GOLGA7B: variants seen among roughly 807,000 people sequenced by gnomAD.
GOLGA7B encodes the protein golgin subfamily A member 7B.
A neutral mutation model predicts 21.5 loss-of-function variants in GOLGA7B; 17 were observed. The observed-to-expected ratio is 0.79, with a 90% CI of 0.54 to 1.19. GOLGA7B has a LOEUF of 1.19. Ranked by LOEUF, GOLGA7B falls within the 50% of genes most tolerant of loss-of-function variation. The pLI is 0.00. For missense variants in GOLGA7B, 169 were observed against 224.4 expected (o/e 0.75, Z 1.58); for synonymous variants, 87 against 84.0 (o/e 1.04, Z -0.19).
intron 1 of GOLGA7B, among the ~76,000 whole-genome samples, chr10:97,858,027 C>T (rs2049947150): frequency 6.6e-6 from 1 of 152,206 alleles, no homozygotes; most frequent in African/African-American, 2.4e-5. Context: ...TGCAAACCAC[C>T]TCCATTCTTG....
intron 1 of GOLGA7B, among the ~76,000 whole-genome samples, chr10:97,851,058 C>T (rs1590157438): frequency 1.3e-5 from 2 of 152,104 alleles, no homozygotes; most frequent in Admixed American, 1.3e-4. Context: ...AGGGATTGCC[C>T]TTTCCCCCCT....
intron 2 of GOLGA7B, among the ~76,000 whole-genome samples, chr10:97,862,150 G>C (rs2049975447): frequency 6.6e-6 from 1 of 152,240 alleles, no homozygotes; most frequent in African/African-American, 2.4e-5. Context: ...ACTGGAGTCA[G>C]AGCTGTAACC....
chr10:97,863,603 C>T (rs1405736024), intron 2 of GOLGA7B, among the ~76,000 whole-genome samples: 1 of 152,250 alleles, frequency 6.6e-6, no homozygotes, highest in Non-Finnish European at 1.5e-5. Context: ...TCTAGGATAT[C>T]ATGGGAATTT....
chr10:97,854,247 G>C (rs1470750254), intron 1 of GOLGA7B, among the ~76,000 whole-genome samples: 1 of 152,204 alleles, frequency 6.6e-6, no homozygotes, highest in Non-Finnish European at 1.5e-5. Context: ...AAAGGGGCTT[G>C]AGCAATGATG....
intron 1 of GOLGA7B, among the ~76,000 whole-genome samples, chr10:97,853,838 G>A (rs1371624980): frequency 6.6e-6 from 1 of 152,204 alleles, no homozygotes; most frequent in African/African-American, 2.4e-5. Context: ...TTAGTAGCTG[G>A]CCAGTGGCCT....
intron 2 of GOLGA7B, among the ~76,000 whole-genome samples, chr10:97,862,718 G>A (rs1473242685): frequency 6.6e-6 from 1 of 151,950 alleles, no homozygotes; most frequent in Non-Finnish European, 1.5e-5. Flanking sequence ...GTTGTTCCAG[G>A]GTCAACTGTA....
Position 97,850,288 on chromosome 10 carries a change from C to G in GOLGA7B, c.-16C>G. 1 of 1,498,664 alleles carries G rather than the reference C, an allele frequency of 6.7e-7. No homozygotes were observed. The highest frequency in any genetic ancestry group is 1.3e-5 in the South Asian group (1 of 79,338). The allele number at this position is 1,498,664 out of a possible 1,614,324, so 92.8% of individuals were successfully genotyped here. A position where few individuals can be genotyped will look rare whatever the true frequency, so the allele number is the denominator to read the frequency against. ...CCTCGCCCGGCCCCGCGACAGCCTC[C>G]GAGCGCCCCCGGATCATGGCCACCG... is the stretch of plus-strand genomic sequence containing the variant. On this transcript the variant is annotated 5_prime_UTR_variant, in exon 1 of 5. Coordinates refer to ENST00000370602, the MANE Select transcript of GOLGA7B (RefSeq NM_001010917.3).
At chr10:97,859,354 C>A in intron 1 of GOLGA7B, 104 bp from the exon 2 acceptor site, 1 of 1,181,258 alleles carries the variant, frequency 8.5e-7, no homozygotes, top group Non-Finnish European at 1.2e-6. Flanking sequence ...GGGAACTTTC[C>A]TGGTGTTAGT....
chr10:97,850,664 GA>G (rs1457688927), intron 1 of GOLGA7B, among the ~76,000 whole-genome samples: 1 of 152,158 alleles, frequency 6.6e-6, no homozygotes, highest in Non-Finnish European at 1.5e-5. Context: ...TGTGTGAGGG[GA>G]GGGAAGGCGG....
chr10:97,854,547 A>T (rs948312872), intron 1 of GOLGA7B, among the ~76,000 whole-genome samples: 32 of 152,290 alleles, frequency 2.1e-4, no homozygotes, highest in African/African-American at 7.5e-4. Context: ...GTCTGATATC[A>T]TCCTTTAGCA....
rs2049893924 is a variant in GOLGA7B at position 97,849,970 on chromosome 10, C to G, written c.-334C>G. On this transcript the variant is annotated 5_prime_UTR_variant, in exon 1 of 5. Coordinates refer to ENST00000370602, the MANE Select transcript of GOLGA7B (RefSeq NM_001010917.3). The stretch of plus-strand genomic sequence containing the variant: ...CCTCCTCCCCCGGCCGCCCCCATCC[C>G]CGCCGCCGCCGCCGCCAAAGCTAAA... Among the ~76,000 whole-genome samples the G allele has an allele frequency of 6.7e-6, 1 of 149,648 alleles. No homozygotes were observed. The highest frequency in any genetic ancestry group is 6.6e-5 in the Admixed American group (1 of 15,128).
chr10:97,860,629 A>C (rs189794742), intron 2 of GOLGA7B, among the ~76,000 whole-genome samples: 1,546 of 152,362 alleles, frequency 0.01, 11 homozygotes, highest in Non-Finnish European at 0.017. Context: ...CTGGGATTAC[A>C]GGTGTGAGCC....
chr10:97,865,814 T>TGG lies in GOLGA7B; in HGVS notation c.*115_*116insGG. 2.4e-6 allele frequency: 1 copy of TGG among 413,020 alleles called. No homozygotes were observed. The highest frequency in any genetic ancestry group is 4.4e-6 in the Non-Finnish European group (1 of 227,374). The allele number at this position is 413,020 out of a possible 1,614,324, so 25.6% of individuals were successfully genotyped here. ...GAGTCATTCTTTGGGCTCACCCTGC[T>TGG]GCCCGGGGTGGGAGGGAGGGTGACG... is the stretch of plus-strand genomic sequence containing the variant. On this transcript the variant is annotated 3_prime_UTR_variant, in exon 5 of 5. Transcript: ENST00000370602.
intron 1 of GOLGA7B, among the ~76,000 whole-genome samples, chr10:97,857,771 G>C (rs954183860): frequency 6.6e-5 from 10 of 152,162 alleles, no homozygotes; most frequent in Non-Finnish European, 1.5e-4. Context: ...AACCAAAACA[G>C]CAGGTTTTGT....
In GOLGA7B at chr10:97,870,022, G is replaced by A. The variant is rs1259411948; in HGVS notation, c.*4322G>A. ...ACACATGAAGACTCTTGGAGCCTCA[G>A]ATTCCCCAGTTGTTAAATAGGGAGA... On this transcript the variant is annotated 3_prime_UTR_variant, in exon 5 of 5. Transcript: ENST00000370602. The A allele has an allele frequency of 1.3e-5, 2 of 152,234 alleles. No individual in the cohort carries two copies. The highest frequency in any genetic ancestry group is 4.8e-5 in the African/African-American group (2 of 41,456). 9.4% of individuals were successfully genotyped at this position (152,234 alleles called of 1,614,324 possible). A position where few individuals can be genotyped will look rare whatever the true frequency, so the allele number is the denominator to read the frequency against.
Position 97,865,822 on chromosome 10 carries a change from GT to G in GOLGA7B, c.*123del. ...CTTTGGGCTCACCCTGCTGCCCGGG[GT>G]GGGAGGGAGGGTGACGGGCCTCATA... On this transcript the variant is annotated 3_prime_UTR_variant, in exon 5 of 5. Coordinates refer to ENST00000370602, the MANE Select transcript of GOLGA7B (RefSeq NM_001010917.3). 1.1e-5 allele frequency: 13 copies of G among 1,154,514 alleles called. No homozygotes were observed. The highest frequency in any genetic ancestry group is 3.0e-5 in the East Asian group (1 of 33,774). The allele number at this position is 1,154,514 out of a possible 1,614,324, so 71.5% of individuals were successfully genotyped here.
intron 1 of GOLGA7B, among the ~76,000 whole-genome samples, chr10:97,851,240 G>T (rs1191689154): frequency 6.6e-6 from 1 of 152,180 alleles, no homozygotes; most frequent in African/African-American, 2.4e-5. Flanking sequence ...GGTCTCCCCA[G>T]TTCTGATGTT....
At chr10:97,855,754 T>C (rs1045059351) in intron 1 of GOLGA7B, among the ~76,000 whole-genome samples, 1 of 152,230 alleles carries the variant, frequency 6.6e-6, no homozygotes, top group Non-Finnish European at 1.5e-5. Context: ...ATTAACTTAT[T>C]TATATTACCA....
At chr10:97,857,151 A>G (rs1053363324) in intron 1 of GOLGA7B, among the ~76,000 whole-genome samples, 6 of 152,292 alleles carry the variant, frequency 3.9e-5, no homozygotes, top group African/African-American at 1.4e-4. Context: ...TTATTTGCCT[A>G]GGCCAATATC....
Sources: allele counts gnomAD v4.1 joint callset (sites outside exome capture counted in the v4.1 genomes callset), GRCh38; gene constraint gnomAD v4.1.1; transcripts MANE v1.5; gene names NCBI Gene and HGNC (gene_info 2026-07-23, HGNC 2026-07-21).